TXLNB: variants seen among roughly 807,000 people sequenced by gnomAD.
The protein encoded by TXLNB is taxilin beta, also known as beta-taxilin.
TXLNB carries 37 observed loss-of-function variants against 57.4 expected under a neutral mutation model. That is an observed-to-expected ratio of 0.64 (90% CI 0.50 to 0.85). TXLNB has a LOEUF of 0.85. TXLNB is among the 40% of genes least tolerant of loss of function. TXLNB has a pLI of 0.00. For missense variants in TXLNB, 848 were observed against 825.6 expected, an observed-to-expected ratio of 1.03 and a Z score of -0.33; for synonymous variants, 302 against 309.6, an observed-to-expected ratio of 0.98 and a Z score of 0.26.
At chr6:139,304,465 G>A in the TXLNB span, among the ~76,000 whole-genome samples, 4 of 152,280 alleles carry the variant, frequency 2.6e-5, no homozygotes, top group East Asian at 5.8e-4. Context: ...TCAGTACCAC[G>A]ATGCACAAAA....
the TXLNB span, among the ~76,000 whole-genome samples, chr6:139,164,029 T>C: frequency 6.6e-6 from 1 of 151,600 alleles, no homozygotes; most frequent in Non-Finnish European, 1.5e-5. Flanking sequence ...CCCACATTGC[T>C]GTCCGTCAGC....
At chr6:139,190,929 A>C in the TXLNB span, among the ~76,000 whole-genome samples, 2 of 152,132 alleles carry the variant, frequency 1.3e-5, no homozygotes, top group Non-Finnish European at 2.9e-5. Context: ...TAAGTAGTTA[A>C]GATTAAAAAG....
chr6:139,228,139 T>C, the TXLNB span, among the ~76,000 whole-genome samples: 3 of 152,244 alleles, frequency 2.0e-5, no homozygotes, highest in Admixed American at 6.5e-5. Context: ...TAGCCATTCA[T>C]GCTTCTTCTC....
chr6:139,202,470 A>C, the TXLNB span, among the ~76,000 whole-genome samples: 1 of 152,218 alleles, frequency 6.6e-6, no homozygotes, highest in African/African-American at 2.4e-5. Flanking sequence ...CAAGACCCAC[A>C]GCTTTCACTA....
intron 9 of TXLNB, 85 bp from the exon 10 acceptor site, chr6:139,243,399 C>T: frequency 3.6e-6 from 5 of 1,389,612 alleles, no homozygotes; most frequent in Non-Finnish European, 3.8e-6. Context: ...TGGAAACAAG[C>T]AAAACTATTT....
chr6:139,210,493 A>T, the TXLNB span, among the ~76,000 whole-genome samples: 1 of 152,314 alleles, frequency 6.6e-6, no homozygotes, highest in East Asian at 1.9e-4. Flanking sequence ...AGATAAAGAA[A>T]ATGTGGGTGG....
intron 4 of TXLNB, among the ~76,000 whole-genome samples, chr6:139,269,793 T>G (rs1439348215): frequency 6.6e-6 from 1 of 152,222 alleles, no homozygotes; most frequent in East Asian, 1.9e-4. Flanking sequence ...CTCTGCATCT[T>G]GCTATATTGA....
At chr6:139,249,842 C>T (rs981054803) in intron 7 of TXLNB, among the ~76,000 whole-genome samples, 16 of 151,878 alleles carry the variant, frequency 1.1e-4, no homozygotes, top group African/African-American at 3.4e-4. Context: ...GTGACAGAAC[C>T]GAAATTTGTT....
chr6:139,215,672 C>T, the TXLNB span, among the ~76,000 whole-genome samples: 2 of 152,090 alleles, frequency 1.3e-5, no homozygotes, highest in Non-Finnish European at 2.9e-5. Flanking sequence ...AAGAAACTAC[C>T]ATCAGAGTGA....
At chr6:139,254,350 A>G (rs890649842) in intron 7 of TXLNB, among the ~76,000 whole-genome samples, 5 of 134,596 alleles carry the variant, frequency 3.7e-5, no homozygotes, top group Non-Finnish European at 6.3e-5. Context: ...TTTACAGTGA[A>G]CAAGTACTCA....
chr6:139,307,920 T>G, the TXLNB span, among the ~76,000 whole-genome samples: 3 of 152,324 alleles, frequency 2.0e-5, no homozygotes, highest in African/African-American at 4.8e-5. Context: ...TTAAAACACA[T>G]GGGTCTAGGG....
intron 8 of TXLNB, among the ~76,000 whole-genome samples, chr6:139,245,181 A>G (rs1776040890): frequency 6.6e-6 from 1 of 152,206 alleles, no homozygotes; most frequent in Non-Finnish European, 1.5e-5. Flanking sequence ...AGTTCACAAA[A>G]TGTGATTACA....
At chr6:139,187,114 G>A in the TXLNB span, among the ~76,000 whole-genome samples, 1 of 151,996 alleles carries the variant, frequency 6.6e-6, no homozygotes, top group Non-Finnish European at 1.5e-5. Context: ...TTTATTCTGT[G>A]TCAATTATAC....
the TXLNB span, among the ~76,000 whole-genome samples, chr6:139,206,692 C>G: frequency 6.6e-6 from 1 of 150,468 alleles, no homozygotes; most frequent in South Asian, 2.1e-4. Flanking sequence ...AAAAAAGATA[C>G]AGAATGGCAG....
At chr6:139,211,026 C>A in the TXLNB span, among the ~76,000 whole-genome samples, 2 of 152,358 alleles carry the variant, frequency 1.3e-5, no homozygotes, top group Admixed American at 1.3e-4. Flanking sequence ...AGGAGGCCTG[C>A]CTGCCTCTGT....
the TXLNB span, among the ~76,000 whole-genome samples, chr6:139,315,864 T>C: frequency 1.3e-5 from 2 of 152,176 alleles, no homozygotes; most frequent in African/African-American, 2.4e-5. Context: ...ATCAACAGAC[T>C]TAAAATGGAT....
chr6:139,192,789 AAAAG>A, the TXLNB span, among the ~76,000 whole-genome samples: 3 of 151,422 alleles, frequency 2.0e-5, no homozygotes, highest in African/African-American at 7.3e-5. Flanking sequence ...CTAAAAAAAA[AAAAG>A]AAAGAAAGAA....
At chr6:139,319,774 A>T in the TXLNB span, among the ~76,000 whole-genome samples, 1 of 152,134 alleles carries the variant, frequency 6.6e-6, no homozygotes, top group African/African-American at 2.4e-5. Flanking sequence ...CTAAAAAAAT[A>T]AATAAGTAAA....
chr6:139,176,847 C>A, the TXLNB span: 1 of 742,276 alleles, frequency 1.3e-6, no homozygotes, highest in South Asian at 1.7e-5. This position sits in a 1 kb window ranked among gnomAD's most constrained non-coding sequence, Gnocchi z 4.5. Context: ...TTTGCAAAGC[C>A]CTTGATCAGT....
Sources: allele counts gnomAD v4.1 joint callset (sites outside exome capture counted in the v4.1 genomes callset), GRCh38; gene constraint gnomAD v4.1.1; non-coding constraint Gnocchi (gnomAD v3.1); transcripts MANE v1.5; gene names NCBI Gene and HGNC (gene_info 2026-07-23, HGNC 2026-07-21).